GRAMD1B: variants seen among roughly 807,000 people sequenced by gnomAD.
GRAMD1B encodes GRAM domain containing 1B.
GRAMD1B carries 37 observed loss-of-function variants against 99.7 expected under a neutral mutation model. The observed-to-expected ratio is 0.37, with a 90% CI of 0.29 to 0.49. The LOEUF (loss-of-function observed/expected upper bound fraction) is 0.49, where lower values mean the gene tolerates loss of function less well. GRAMD1B is among the 20% of genes least tolerant of loss of function. The pLI is 0.98. For synonymous variants in GRAMD1B, 427 were observed against 387.6 expected, an observed-to-expected ratio of 1.10 and a Z score of -1.19; for missense variants, 888 against 1,009.2, an observed-to-expected ratio of 0.88 and a Z score of 1.63.
rs192932060 is a variant in GRAMD1B at position 123,611,651 on chromosome 11, G to T, written c.1920-1110G>T. On this transcript the variant is annotated intron_variant, in intron 14 of 19. Coordinates refer to ENST00000635736, the MANE Select transcript of GRAMD1B (RefSeq NM_001387025.1). ...AGGTTCCTCAGAAGATCTTTCAATT[G>T]CATCTTTTCTCTGCAGCCATGCAGA... 3.2e-4 allele frequency among the ~76,000 whole-genome samples: 48 copies of T among 152,146 alleles called. 1 individual carries two copies. In the East Asian group the frequency reaches 3.3e-3, roughly 10 times the overall value.
rs1306827051 is a variant in GRAMD1B at position 123,513,621 on chromosome 11, T to TTC, written c.452+32728_452+32729insTC. ...TCCTTCCTTCCTTCCTTCCTTCCTT[T>TTC]CTTTCTTTCTTTCTTTCTTTCTTTT... is the stretch of plus-strand genomic sequence containing the variant. On this transcript the variant is annotated intron_variant, in intron 2 of 19. Coordinates refer to ENST00000635736, the MANE Select transcript of GRAMD1B (RefSeq NM_001387025.1). Among the ~76,000 whole-genome samples the TTC allele has an allele frequency of 8.5e-3, 308 of 36,216 alleles. 4 individuals carry two copies. The highest frequency in any genetic ancestry group is 9.6e-3 in the African/African-American group (124 of 12,874). 23.8% of individuals were successfully genotyped at this position (36,216 alleles called of 152,430 possible).
At chr11:123,589,234 CTGTT>C (rs1235449636) in intron 4 of GRAMD1B, among the ~76,000 whole-genome samples, 2 of 151,684 alleles carry the variant, frequency 1.3e-5, no homozygotes, top group African/African-American at 4.8e-5. Flanking sequence ...AGATATGAAC[CTGTT>C]TGAGGCATAG....
At chr11:123,601,684 C>T (rs1338622243) in intron 8 of GRAMD1B, among the ~76,000 whole-genome samples, 2 of 152,176 alleles carry the variant, frequency 1.3e-5, no homozygotes, top group Non-Finnish European at 2.9e-5. Context: ...CCTAGTATCA[C>T]TCCTGATAAC....
At chr11:123,599,907 G>A (rs1341766605) in intron 7 of GRAMD1B, among the ~76,000 whole-genome samples, 2 of 152,230 alleles carry the variant, frequency 1.3e-5, no homozygotes, top group Non-Finnish European at 2.9e-5. Flanking sequence ...AAGTGAAATA[G>A]CATTTGTGGA....
chr11:123,535,348 A>G (rs1943858363), intron 2 of GRAMD1B, among the ~76,000 whole-genome samples: 1 of 152,116 alleles, frequency 6.6e-6, no homozygotes, highest in East Asian at 1.9e-4. Context: ...CAGGTCTTAA[A>G]TAACTAGCCC....
chr11:123,618,380 T>G, intron 17 of GRAMD1B: 3 of 1,607,904 alleles, frequency 1.9e-6, no homozygotes, highest in Non-Finnish European at 2.6e-6. Context: ...GATTTCTCCT[T>G]TACCCCCTCA....
At chr11:123,410,756 G>T (rs567303522) in intron 1 of GRAMD1B, among the ~76,000 whole-genome samples, 13 of 152,142 alleles carry the variant, frequency 8.5e-5, no homozygotes, top group African/African-American at 1.2e-4. Context: ...GTAGGGAGAG[G>T]CTGTGCTAGA....
At chr11:123,440,148 A>G (rs932318536) in intron 1 of GRAMD1B, among the ~76,000 whole-genome samples, 31 of 152,250 alleles carry the variant, frequency 2.0e-4, no homozygotes, top group African/African-American at 7.5e-4. Context: ...TTGTCTTAAA[A>G]GGAATCATTT....
intron 3 of GRAMD1B, among the ~76,000 whole-genome samples, chr11:123,583,247 G>C (rs552536712): frequency 6.6e-6 from 1 of 150,934 alleles, no homozygotes; most frequent in East Asian, 2.0e-4. Flanking sequence ...ATGTCTGTGT[G>C]AATGTGTGTG....
At chr11:123,573,814 A>G (rs182258886) in intron 2 of GRAMD1B, among the ~76,000 whole-genome samples, 16 of 152,276 alleles carry the variant, frequency 1.1e-4, no homozygotes, top group African/African-American at 3.6e-4. Flanking sequence ...CAGATTTGGG[A>G]GCCATCTTGA....
intron 2 of GRAMD1B, among the ~76,000 whole-genome samples, chr11:123,533,404 A>G (rs934747142): frequency 1.3e-5 from 2 of 151,770 alleles, no homozygotes; most frequent in Non-Finnish European, 2.9e-5. Context: ...TTCACTCTAT[A>G]TTTTATTTAT....
chr11:123,527,451 C>T (rs116838263), intron 2 of GRAMD1B, among the ~76,000 whole-genome samples: 192 of 152,270 alleles, frequency 1.3e-3, no homozygotes, highest in African/African-American at 4.2e-3. Context: ...TCAAGAACTG[C>T]GAGTTCCCAG....
chr11:123,548,337 CACACACACACACATATAT>C (rs1945269583), intron 2 of GRAMD1B, among the ~76,000 whole-genome samples: 1 of 115,604 alleles, frequency 8.7e-6, no homozygotes, highest in African/African-American at 4.3e-5. Flanking sequence ...CACACACACA[CACACACACACACATATAT>C]ATATATATGT....
intron 1 of GRAMD1B, among the ~76,000 whole-genome samples, chr11:123,403,064 T>C (rs1947724638): frequency 6.6e-6 from 1 of 152,056 alleles, no homozygotes; most frequent in South Asian, 2.1e-4. Context: ...AGAAGCCCTC[T>C]GTGGACCCTG....
intron 1 of GRAMD1B, among the ~76,000 whole-genome samples, chr11:123,448,583 A>T (rs1292528525): frequency 6.6e-6 from 1 of 152,214 alleles, no homozygotes; most frequent in Non-Finnish European, 1.5e-5. Flanking sequence ...CTTGGCTTTA[A>T]TTATTCCTGT....
intron 6 of GRAMD1B, among the ~76,000 whole-genome samples, chr11:123,595,244 C>T (rs1007290693): frequency 6.6e-6 from 1 of 151,738 alleles, no homozygotes; most frequent in Non-Finnish European, 1.5e-5. Context: ...GCCTCTATTT[C>T]CTCATCTCGT....
At chr11:123,593,503 A>G (rs954683413) in intron 4 of GRAMD1B, among the ~76,000 whole-genome samples, 1 of 151,980 alleles carries the variant, frequency 6.6e-6, no homozygotes, top group African/African-American at 2.4e-5. Flanking sequence ...AAGGATGGAG[A>G]GGGGAGTTGG....
chr11:123,420,457 G>A (rs1948391823), intron 1 of GRAMD1B, among the ~76,000 whole-genome samples: 3 of 152,196 alleles, frequency 2.0e-5, no homozygotes, highest in Non-Finnish European at 2.9e-5. Flanking sequence ...AAAAGAATAT[G>A]TTGCTAATAT....
chr11:123,594,824 C>T lies in GRAMD1B; in HGVS notation c.859C>T (p.Arg287Cys). ...NWICFYSNIF[R>C]WETLLTVRLK... is the part of the protein sequence containing the mutation. ...GATCTGCTTCTACAGCAACATCTTC[C>T]GCTGGGAAACTCTGGTAAAGACCTG... Residue 287 changes from arginine (R) to cysteine (C), a missense_variant, in exon 6 of 20, where the codon CGC (arginine) becomes TGC (cysteine). Transcript: ENST00000635736. 9.5e-6 allele frequency: 15 copies of T among 1,585,986 alleles called. No individual in the cohort carries two copies. The highest frequency in any genetic ancestry group is 1.7e-4 in the Middle Eastern group (1 of 6,004).
Sources: allele counts gnomAD v4.1 joint callset (sites outside exome capture counted in the v4.1 genomes callset), GRCh38; gene constraint gnomAD v4.1.1; transcripts MANE v1.5; gene names NCBI Gene and HGNC (gene_info 2026-07-23, HGNC 2026-07-21).